Variants in TUBGCP4 observed in about 807,000 individuals in gnomAD.
TUBGCP4 encodes gamma-tubulin complex component 4.
A neutral mutation model predicts 91.6 loss-of-function variants in TUBGCP4; 54 were observed. That is an observed-to-expected ratio of 0.59 (90% CI 0.47 to 0.74). TUBGCP4 has a LOEUF of 0.74. Among genes scored for constraint, TUBGCP4 ranks in the 30% least tolerant of loss-of-function variants. The pLI is 0.00. For missense variants in TUBGCP4, 593 were observed against 800.9 expected, an observed-to-expected ratio of 0.74 and a Z score of 3.13; for synonymous variants, 297 against 302.8, an observed-to-expected ratio of 0.98 and a Z score of 0.20.
Position 43,392,117 on chromosome 15 carries a change from CACAT to C in TUBGCP4, c.1015-2988_1015-2985del, listed in dbSNP as rs1249605784. Among the ~76,000 whole-genome samples the C allele has an allele frequency of 2.0e-4, 29 of 146,494 alleles. No homozygotes were observed. In the East Asian group the frequency reaches 2.4e-3, roughly 12 times the overall value. On this transcript the variant is annotated intron_variant, in intron 9 of 17. Coordinates refer to ENST00000564079, the MANE Select transcript of TUBGCP4 (RefSeq NM_014444.5). Reference sequence around the variant, plus strand: ...ACACACACACACACACACACACACACACATATTTTTTTTTGTTTGAATTCTGTGT... The same window carrying C: ...ACACACACACACACACACACACACACATTTTTTTTTGTTTGAATTCTGTGT...
intron 11 of TUBGCP4, 91 bp from the exon 12 acceptor site, chr15:43,397,123 G>T: frequency 1.2e-6 from 1 of 856,656 alleles, no homozygotes; most frequent in South Asian, 1.3e-5. Flanking sequence ...TGTTAGCATT[G>T]AGCATGTTGG....
chr15:43,373,463 C>G (rs1354565459), intron 1 of TUBGCP4, among the ~76,000 whole-genome samples: 1 of 152,162 alleles, frequency 6.6e-6, no homozygotes, highest in East Asian at 1.9e-4. Flanking sequence ...TGAGCACTAG[C>G]TATGTGGTTG....
At chr15:43,405,112 T>C in intron 17 of TUBGCP4, 90 bp from the exon 18 acceptor site, 1 of 1,456,354 alleles carries the variant, frequency 6.9e-7, no homozygotes, top group South Asian at 1.2e-5. Flanking sequence ...GATGACATTA[T>C]TTAGATCACA....
chr15:43,376,908 A>G (rs2044213891), intron 3 of TUBGCP4, 106 bp from the exon 4 acceptor site: 2 of 1,083,016 alleles, frequency 1.8e-6, no homozygotes, highest in South Asian at 1.3e-5. Flanking sequence ...TCGATAGCCT[A>G]AAATTAACAC....
intron 9 of TUBGCP4, among the ~76,000 whole-genome samples, chr15:43,386,725 C>CAAAA (rs10718458): frequency 7.5e-5 from 5 of 67,014 alleles, no homozygotes; most frequent in Non-Finnish European, 8.7e-5. Context: ...ACTCTGTCTC[C>CAAAA]AAAAAAAAAA....
intron 6 of TUBGCP4, among the ~76,000 whole-genome samples, chr15:43,381,693 C>A (rs2044287327): frequency 2.0e-5 from 3 of 152,132 alleles, no homozygotes; most frequent in Non-Finnish European, 2.9e-5. Context: ...GATCTCGCCA[C>A]TGTAATCCAG....
chr15:43,382,759 T>G (rs2044303549), intron 6 of TUBGCP4, among the ~76,000 whole-genome samples: 1 of 152,204 alleles, frequency 6.6e-6, no homozygotes. Flanking sequence ...ATTAATATGC[T>G]ATCTGGTGGG....
chr15:43,390,099 A>G (rs985937304), intron 9 of TUBGCP4, among the ~76,000 whole-genome samples: 31 of 152,222 alleles, frequency 2.0e-4, no homozygotes, highest in African/African-American at 6.7e-4. Context: ...TCATGTCACT[A>G]TGAAATAAGA....
Position 43,380,533 on chromosome 15 carries a change from G to A in TUBGCP4, c.521+370G>A, listed in dbSNP as rs553983373. ...TTTCAAATTGAAGGTCCTTAAAAATGTTTATGCTTTATAATCCCATAATGC... is the reference window on the plus strand; with the variant it reads ...TTTCAAATTGAAGGTCCTTAAAAATATTTATGCTTTATAATCCCATAATGC... On this transcript the variant is annotated intron_variant, in intron 6 of 17. Coordinates refer to ENST00000564079, the MANE Select transcript of TUBGCP4 (RefSeq NM_014444.5). 2.6e-5 allele frequency among the ~76,000 whole-genome samples: 4 copies of A among 152,276 alleles called. No homozygotes were observed. In the South Asian group the frequency reaches 6.2e-4, roughly 24 times the overall value.
chr15:43,398,784 C>G (rs912655121), intron 13 of TUBGCP4, among the ~76,000 whole-genome samples: 1 of 152,142 alleles, frequency 6.6e-6, no homozygotes, highest in African/African-American at 2.4e-5. Flanking sequence ...GGGGAGAAGA[C>G]AAAATCCTGT....
chr15:43,405,289 T>G lies in TUBGCP4; in HGVS notation c.*75T>G. The G allele has an allele frequency of 6.6e-7, 1 of 1,522,932 alleles. No individual in the cohort carries two copies. Among genetic ancestry groups the G allele is most frequent in the Non-Finnish European group, 9.1e-7 (1 of 1,098,034 alleles). The allele number at this position is 1,522,932 out of a possible 1,614,324, so 94.3% of individuals were successfully genotyped here. A position where few individuals can be genotyped will look rare whatever the true frequency, so the allele number is the denominator to read the frequency against. On this transcript the variant is annotated 3_prime_UTR_variant, in exon 18 of 18. Coordinates refer to ENST00000564079, the MANE Select transcript of TUBGCP4 (RefSeq NM_014444.5). ...ACAGAAGATTCAAAACATCCCATTC[T>G]AGCCACACACAAATAAATATCTGCG...
At position 43,409,002 on chromosome 15, in the gene TUBGCP4, GAC is replaced by G; in HGVS notation, c.*3794_*3795del. On this transcript the variant is annotated 3_prime_UTR_variant, in exon 18 of 18. Transcript: ENST00000564079. ...GCAACTATCATGGACCCAGACATGA[GAC>G]ACACAAGGAATCCCACTGGCAAGGC... 1 of 1,614,146 alleles carries G rather than the reference GAC, an allele frequency of 6.2e-7. No homozygotes were observed. Among genetic ancestry groups the G allele is most frequent in the Non-Finnish European group, 8.5e-7 (1 of 1,180,010 alleles).
rs1246037857 is a variant in TUBGCP4 at position 43,407,310 on chromosome 15, A to C, written c.*2096A>C. On this transcript the variant is annotated 3_prime_UTR_variant, in exon 18 of 18. Transcript: ENST00000564079. ...CATGCAAGGAATCCAGTTACACACA[A>C]GACACATTTAAAACCTGGTTAAAAC... The C allele has an allele frequency of 1.5e-6, 2 of 1,330,208 alleles. No individual in the cohort carries two copies. Among genetic ancestry groups the C allele is most frequent in the African/African-American group, 1.4e-5 (1 of 69,236 alleles). The allele number at this position is 1,330,208 out of a possible 1,614,324, so 82.4% of individuals were successfully genotyped here. A position where few individuals can be genotyped will look rare whatever the true frequency, so the allele number is the denominator to read the frequency against.
chr15:43,393,245 C>T (rs1292525496), intron 9 of TUBGCP4, among the ~76,000 whole-genome samples: 3 of 144,726 alleles, frequency 2.1e-5, no homozygotes, highest in African/African-American at 5.2e-5. Context: ...GAGTCTTGCT[C>T]TGTCTCCAGG....
Position 43,385,940 on chromosome 15 carries a change from G to T in TUBGCP4, c.873G>T (p.Val291=). The T allele has an allele frequency of 6.2e-7, 1 of 1,613,976 alleles. No individual in the cohort carries two copies. Among genetic ancestry groups the T allele is most frequent in the South Asian group, 1.1e-5 (1 of 91,052 alleles). ...TCCAGATGTTTGAGAATCAAAATGT[G>T]AACCTGACTAGAAAAGGTAGAAATC... ...ESVQMFENQN[V]NLTRKGSILK... The change falls in exon 8 of 18, where the codon GTG becomes GTT. Residue 291 remains valine (V), a synonymous_variant. Coordinates refer to ENST00000564079, the MANE Select transcript of TUBGCP4 (RefSeq NM_014444.5).
chr15:43,382,318 A>G (rs1330883230), intron 6 of TUBGCP4, among the ~76,000 whole-genome samples: 1 of 152,236 alleles, frequency 6.6e-6, no homozygotes, highest in African/African-American at 2.4e-5. Flanking sequence ...ATTCAGTAAT[A>G]CTATATCCAA....
At position 43,377,923 on chromosome 15, in the gene TUBGCP4, CT is replaced by C; in HGVS notation, c.441+24del. 1 of 1,578,762 alleles carries C rather than the reference CT, an allele frequency of 6.3e-7. No individual in the cohort carries two copies. On this transcript the variant is annotated intron_variant, in intron 5 of 17. Transcript: ENST00000564079. ...CAAAAGGTGAGAACTTTCCTTATTCCTTTTGCTTTGCTAAGCACTGAGGGAA... is the reference window on the plus strand; with the variant it reads ...CAAAAGGTGAGAACTTTCCTTATTCCTTTGCTTTGCTAAGCACTGAGGGAA...
chr15:43,390,137 T>A (rs1412302634), intron 9 of TUBGCP4, among the ~76,000 whole-genome samples: 1 of 152,126 alleles, frequency 6.6e-6, no homozygotes, highest in Non-Finnish European at 1.5e-5. Flanking sequence ...TGTATTTTGC[T>A]TATGTGGTTT....
intron 14 of TUBGCP4, 21 bp downstream of exon 14, chr15:43,400,242 AGAAG>A (rs1311871777): frequency 1.0e-5 from 16 of 1,606,206 alleles, no homozygotes; most frequent in Non-Finnish European, 1.4e-5. Flanking sequence ...AGAGATGAGT[AGAAG>A]GAAGGGGTAC....
Sources: allele counts gnomAD v4.1 joint callset (sites outside exome capture counted in the v4.1 genomes callset), GRCh38; gene constraint gnomAD v4.1.1; transcripts MANE v1.5; gene names NCBI Gene and HGNC (gene_info 2026-07-23, HGNC 2026-07-21).